Variants in IPMK observed in about 807,000 individuals in gnomAD.
IPMK encodes inositol polyphosphate multikinase.
A neutral mutation model predicts 45.8 loss-of-function variants in IPMK; 17 were observed. That is an observed-to-expected ratio of 0.37 (90% CI 0.25 to 0.56). IPMK has a LOEUF of 0.56. Ranked by LOEUF, IPMK falls within the 20% of genes least tolerant of loss-of-function variation. The pLI, the probability that IPMK is intolerant of heterozygous loss-of-function variation, is 0.79. For missense variants in IPMK, 399 were observed against 498.0 expected, an observed-to-expected ratio of 0.80 and a Z score of 1.89; for synonymous variants, 180 against 184.3, an observed-to-expected ratio of 0.98 and a Z score of 0.19.
chr10:58,260,796 C>T (rs1396344612), intron 1 of IPMK, among the ~76,000 whole-genome samples: 2 of 151,938 alleles, frequency 1.3e-5, no homozygotes, highest in East Asian at 3.9e-4. Context: ...GAGAGATATA[C>T]CATGTTCAAG....
At chr10:58,259,533 AAATGT>A (rs1313869577) in intron 1 of IPMK, among the ~76,000 whole-genome samples, 1 of 152,082 alleles carries the variant, frequency 6.6e-6, no homozygotes, top group East Asian at 1.9e-4. Context: ...GCCAACTAAC[AAATGT>A]AATAGGAATG....
intron 2 of IPMK, among the ~76,000 whole-genome samples, chr10:58,230,084 G>A (rs932273874): frequency 2.6e-5 from 4 of 152,184 alleles, no homozygotes; most frequent in Non-Finnish European, 4.4e-5. Flanking sequence ...ATCGAACTGC[G>A]AGGCAGCAGC....
intron 1 of IPMK, among the ~76,000 whole-genome samples, chr10:58,243,398 C>T (rs553083595): frequency 2.0e-4 from 31 of 152,334 alleles, no homozygotes; most frequent in African/African-American, 7.2e-4. Flanking sequence ...TTTCTACGGT[C>T]TCCCTCTCTT....
chr10:58,236,429 TA>T (rs1316018892), intron 2 of IPMK, among the ~76,000 whole-genome samples: 1 of 152,098 alleles, frequency 6.6e-6, no homozygotes, highest in Non-Finnish European at 1.5e-5. Context: ...TGCATAGTAT[TA>T]AAAAATTAAA....
rs1308151272 is a variant in IPMK, at chr10:58,267,642, G to A, written c.-31C>T. 4.0e-5 allele frequency: 61 copies of A among 1,508,748 alleles called. No individual in the cohort carries two copies. The highest frequency in any genetic ancestry group is 5.1e-5 in the Non-Finnish European group (56 of 1,108,142). 93.5% of individuals were successfully genotyped at this position (1,508,748 alleles called of 1,614,324 possible). ...AGAGCAGAAGCGGTAACGGCAGCGA[G>A]AGTAGGAAAAAAAATAGGGCGAGGG... On this transcript the variant is annotated 5_prime_UTR_variant, in exon 1 of 6. Transcript: ENST00000373935.
intron 1 of IPMK, among the ~76,000 whole-genome samples, chr10:58,263,161 G>A (rs1839099902): frequency 6.6e-6 from 1 of 152,166 alleles, no homozygotes; most frequent in Non-Finnish European, 1.5e-5. Context: ...TGAAGCAGAA[G>A]GATCACTTGA....
intron 4 of IPMK, among the ~76,000 whole-genome samples, chr10:58,211,989 G>T (rs570452464): frequency 1.1e-4 from 16 of 151,076 alleles, no homozygotes; most frequent in Middle Eastern, 6.9e-3. Context: ...GTTTTGTGGG[G>T]TTTTTTTCCC....
At chr10:58,259,679 A>AAAAAAAAAAAAAAAAAAAAAAAC in intron 1 of IPMK, among the ~76,000 whole-genome samples, 1 of 138,120 alleles carries the variant, frequency 7.2e-6, no homozygotes, top group African/African-American at 2.9e-5. Flanking sequence ...CATAAAAAAA[A>AAAAAAAAAAAAAAAAAAAAAAAC]AAAAAAAACA....
At chr10:58,204,904 T>G (rs143427729) in intron 4 of IPMK, among the ~76,000 whole-genome samples, 2 of 152,240 alleles carry the variant, frequency 1.3e-5, no homozygotes, top group African/African-American at 4.8e-5. Flanking sequence ...GGCATAAGGA[T>G]AGACAATATG....
At position 58,209,029 on chromosome 10, in the gene IPMK, T is replaced by G. The variant is rs184218636; in HGVS notation, c.546+7116A>C. ...ACAGCCTCACTCCTATACTAGTGTTTCAGCTATTCTGATCAGACAGGCACC... is the reference window on the plus strand; with the variant it reads ...ACAGCCTCACTCCTATACTAGTGTTGCAGCTATTCTGATCAGACAGGCACC... On this transcript the variant is annotated intron_variant, in intron 4 of 5. Transcript: ENST00000373935. 1.7e-4 allele frequency among the ~76,000 whole-genome samples: 26 copies of G among 152,326 alleles called. No individual in the cohort carries two copies. The East Asian group carries it at 4.2e-3, about 25-fold the overall frequency.
intron 2 of IPMK, among the ~76,000 whole-genome samples, chr10:58,232,933 A>G (rs938635750): frequency 5.9e-5 from 9 of 152,180 alleles, no homozygotes; most frequent in Non-Finnish European, 8.8e-5. Context: ...GACCACTAGC[A>G]AGATTAATAA....
At chr10:58,228,828 T>C (rs1838461844) in intron 2 of IPMK, among the ~76,000 whole-genome samples, 1 of 152,226 alleles carries the variant, frequency 6.6e-6, no homozygotes, top group Admixed American at 6.5e-5. Context: ...AAATGTAGAA[T>C]AAAATATAAC....
intron 4 of IPMK, among the ~76,000 whole-genome samples, chr10:58,207,563 G>C (rs919618001): frequency 6.6e-6 from 1 of 152,024 alleles, no homozygotes; most frequent in Admixed American, 6.6e-5. Flanking sequence ...TTTGTTCTAG[G>C]GTATAGTTTA....
chr10:58,261,848 G>A (rs1000800187), intron 1 of IPMK, among the ~76,000 whole-genome samples: 1 of 152,176 alleles, frequency 6.6e-6, no homozygotes, highest in Non-Finnish European at 1.5e-5. Flanking sequence ...ACAGGCATGA[G>A]CCACCGTGCC....
intron 4 of IPMK, among the ~76,000 whole-genome samples, chr10:58,203,079 T>C (rs76071769): frequency 6.6e-6 from 1 of 151,962 alleles, no homozygotes; most frequent in African/African-American, 2.4e-5. Flanking sequence ...TAAAGAAGAT[T>C]TGAGATTCAT....
chr10:58,214,707 A>C (rs117097523), intron 4 of IPMK, among the ~76,000 whole-genome samples: 2,095 of 152,266 alleles, frequency 0.014, 29 homozygotes, highest in Non-Finnish European at 0.023. Flanking sequence ...TCCATATATC[A>C]TTTTACATGA....
At chr10:58,252,027 G>A (rs775090860) in intron 1 of IPMK, among the ~76,000 whole-genome samples, 7 of 152,130 alleles carry the variant, frequency 4.6e-5, no homozygotes, top group Non-Finnish European at 7.4e-5. Flanking sequence ...TAGTTGTTTT[G>A]TGGTTGTTTT....
chr10:58,212,621 A>T (rs1838182234), intron 4 of IPMK: 1 of 237,164 alleles, frequency 4.2e-6, no homozygotes, highest in Non-Finnish European at 9.6e-6. Context: ...CAACCATGCC[A>T]TCTGGATTCA....
chr10:58,208,185 C>T (rs556175751), intron 4 of IPMK, among the ~76,000 whole-genome samples: 2 of 152,284 alleles, frequency 1.3e-5, no homozygotes, highest in East Asian at 3.9e-4. Context: ...CGTGATCCAC[C>T]CGCCTCAGCC....
Sources: gnomAD v4.1 joint callset for allele counts (sites outside exome capture counted in the v4.1 genomes callset) on GRCh38, gnomAD v4.1.1 for gene constraint, MANE v1.5 for transcripts, NCBI Gene and HGNC (gene_info 2026-07-23, HGNC 2026-07-21) for gene names.